The following SDK1 variants were observed in gnomAD, a reference collection of about 807,000 sequenced individuals.
SDK1 encodes protein sidekick-1.
SDK1 carries 157 observed loss-of-function variants against 245.5 expected under a neutral mutation model. The ratio of observed to expected loss-of-function variants is 0.64; its 90% CI spans 0.56 to 0.73. SDK1 has a LOEUF of 0.73. SDK1 is among the 30% of genes least tolerant of loss of function. The pLI is 0.00. For synonymous variants in SDK1, 1,647 were observed against 1,278.5 expected, an observed-to-expected ratio of 1.29 and a Z score of -6.15; for missense variants, 3,583 against 3,002.3, an observed-to-expected ratio of 1.19 and a Z score of -4.52.
chr7:3,774,342 C>G (rs528164192), intron 4 of SDK1, among the ~76,000 whole-genome samples: 1 of 152,128 alleles, frequency 6.6e-6, no homozygotes, highest in Non-Finnish European at 1.5e-5. Flanking sequence ...TTGTCTGCAC[C>G]TCTGTGATCA....
At chr7:3,937,791 G>GGGCTCC (rs772035360) in intron 5 of SDK1, among the ~76,000 whole-genome samples, 4 of 152,208 alleles carry the variant, frequency 2.6e-5, no homozygotes, top group Non-Finnish European at 5.9e-5. Context: ...TGATGGGCTT[G>GGGCTCC]GGCTCCACGC....
At chr7:3,923,489 CA>C (rs961996904) in intron 5 of SDK1, among the ~76,000 whole-genome samples, 38 of 152,190 alleles carry the variant, frequency 2.5e-4, no homozygotes, top group African/African-American at 8.4e-4. Context: ...TTAGTGTGCT[CA>C]AGAGGTTCTC....
intron 1 of SDK1, among the ~76,000 whole-genome samples, chr7:3,405,649 T>G (rs917856630): frequency 3.3e-5 from 5 of 152,100 alleles, no homozygotes; most frequent in African/African-American, 1.2e-4. Flanking sequence ...TGTTATCAGA[T>G]ATGGTTATAA....
intron 1 of SDK1, among the ~76,000 whole-genome samples, chr7:3,566,600 C>A (rs1055407826): frequency 1.3e-5 from 2 of 151,106 alleles, no homozygotes; most frequent in Non-Finnish European, 1.5e-5. Context: ...AGATTCTGTT[C>A]AATGAAGGTA....
chr7:3,401,602 A>C (rs1778889242), intron 1 of SDK1, among the ~76,000 whole-genome samples: 1 of 152,152 alleles, frequency 6.6e-6, no homozygotes, highest in Non-Finnish European at 1.5e-5. Context: ...AGCCAGCCGT[A>C]GTTCACTGGA....
chr7:3,617,220 T>C (rs1242273394), intron 1 of SDK1, among the ~76,000 whole-genome samples: 1 of 152,262 alleles, frequency 6.6e-6, no homozygotes, highest in African/African-American at 2.4e-5. Flanking sequence ...ATTAGTGTTA[T>C]TATATTTATT....
intron 4 of SDK1, among the ~76,000 whole-genome samples, chr7:3,789,800 A>G (rs1274459807): frequency 6.6e-6 from 1 of 152,172 alleles, no homozygotes; most frequent in Non-Finnish European, 1.5e-5. Context: ...TGCAGGATAG[A>G]AAGCACTTGG....
At chr7:3,996,905 C>A (rs922074677) in intron 14 of SDK1, among the ~76,000 whole-genome samples, 3 of 152,046 alleles carry the variant, frequency 2.0e-5, no homozygotes, top group Non-Finnish European at 2.9e-5. Flanking sequence ...GGAATGTCTA[C>A]TAGGATTTTA....
chr7:3,978,388 T>C (rs1288267784), intron 13 of SDK1, among the ~76,000 whole-genome samples: 2 of 152,244 alleles, frequency 1.3e-5, no homozygotes, highest in African/African-American at 4.8e-5. Flanking sequence ...CAAATGTTGC[T>C]GTATGTATAA....
At chr7:3,552,476 C>T (rs1366035397) in intron 1 of SDK1, among the ~76,000 whole-genome samples, 1 of 152,208 alleles carries the variant, frequency 6.6e-6, no homozygotes. Flanking sequence ...TTCTCCCTCT[C>T]ATCTAGGCTG....
intron 2 of SDK1, among the ~76,000 whole-genome samples, chr7:3,626,154 A>C (rs1417659590): frequency 6.6e-6 from 1 of 151,330 alleles, no homozygotes; most frequent in African/African-American, 2.4e-5. Context: ...TGCCCAGCCT[A>C]GTCTTGAACT....
intron 1 of SDK1, among the ~76,000 whole-genome samples, chr7:3,459,845 A>T (rs1220573200): frequency 1.3e-5 from 2 of 152,186 alleles, no homozygotes; most frequent in Admixed American, 6.5e-5. Flanking sequence ...GATTCCTTGA[A>T]TAGAAAAGGA....
intron 2 of SDK1, among the ~76,000 whole-genome samples, chr7:3,627,891 G>C (rs185424455): frequency 6.6e-6 from 1 of 152,218 alleles, no homozygotes; most frequent in African/African-American, 2.4e-5. Flanking sequence ...TCTTGTTTCT[G>C]AATTTCCAGT....
At chr7:3,613,673 A>G (rs1336892135) in intron 1 of SDK1, among the ~76,000 whole-genome samples, 2 of 152,228 alleles carry the variant, frequency 1.3e-5, no homozygotes, top group Non-Finnish European at 2.9e-5. Flanking sequence ...TCGTTCTATT[A>G]TAGAGACACA....
At chr7:4,045,662 C>A (rs1788968823) in intron 17 of SDK1, among the ~76,000 whole-genome samples, 1 of 152,188 alleles carries the variant, frequency 6.6e-6, no homozygotes, top group Non-Finnish European at 1.5e-5. Context: ...CAAACGGTCC[C>A]ACCAGGTGGC....
chr7:4,104,316 C>G (rs1448818465), intron 22 of SDK1, among the ~76,000 whole-genome samples: 1 of 152,192 alleles, frequency 6.6e-6, no homozygotes, highest in Non-Finnish European at 1.5e-5. Context: ...CCGCTTTGGC[C>G]TCCTACAGTG....
intron 7 of SDK1, among the ~76,000 whole-genome samples, chr7:3,957,200 G>A (rs1028528872): frequency 6.6e-6 from 1 of 152,194 alleles, no homozygotes; most frequent in Non-Finnish European, 1.5e-5. Flanking sequence ...GTCATGGAAG[G>A]CAACACCCTT....
At chr7:3,637,146 G>A (rs1419352462) in intron 2 of SDK1, among the ~76,000 whole-genome samples, 1 of 151,980 alleles carries the variant, frequency 6.6e-6, no homozygotes, top group Non-Finnish European at 1.5e-5. Context: ...CACCCAGGCT[G>A]GAGTGCAGTG....
chr7:3,498,926 G>C (rs373131640), intron 1 of SDK1, among the ~76,000 whole-genome samples: 5 of 152,154 alleles, frequency 3.3e-5, no homozygotes, highest in Admixed American at 3.3e-4. Context: ...GGGCAAGTAA[G>C]CATCAATTTG....
Sources: gnomAD v4.1 joint callset for allele counts (sites outside exome capture counted in the v4.1 genomes callset) on GRCh38, gnomAD v4.1.1 for gene constraint, MANE v1.5 for transcripts, NCBI Gene and HGNC (gene_info 2026-07-23, HGNC 2026-07-21) for gene names.